MATN1: variants seen among roughly 807,000 people sequenced by gnomAD.
MATN1 encodes matrilin-1.
Under a neutral mutation model 41.3 loss-of-function variants are expected in MATN1, and 34 were observed. That is an observed-to-expected ratio of 0.82 (90% confidence interval 0.63 to 1.10). MATN1 has a LOEUF of 1.10. MATN1 is among the 50% of genes least tolerant of loss of function. The pLI, the probability that MATN1 is intolerant of heterozygous loss-of-function variation, is 0.00. For missense variants in MATN1, 602 were observed against 662.4 expected (o/e 0.91, Z 1.00); for synonymous variants, 264 against 278.7 (o/e 0.95, Z 0.53).
Position 30,713,516 on chromosome 1 carries a change from A to G in MATN1, c.*66T>C. The G allele has an allele frequency of 6.6e-7, 1 of 1,519,956 alleles. No individual in the cohort carries two copies. Among genetic ancestry groups the G allele is most frequent in the Non-Finnish European group, 8.9e-7 (1 of 1,118,286 alleles). 94.2% of individuals were successfully genotyped at this position (1,519,956 alleles called of 1,614,324 possible). On this transcript the variant is annotated 3_prime_UTR_variant, in exon 8 of 8. Transcript: ENST00000373765. ...CACCCCCGGGCTGGCTTCCCTCACT[A>G]AAATGGTAAAGCTACGGCGGACACG...
At chr1:30,717,542 G>A (rs1001180956) in intron 3 of MATN1, among the ~76,000 whole-genome samples, 4 of 151,838 alleles carry the variant, frequency 2.6e-5, no homozygotes, top group African/African-American at 9.7e-5. Context: ...AGAAACATGT[G>A]TAGGTTTTCT....
In MATN1 at chr1:30,714,303, G is replaced by T. The variant is rs1428466637; in HGVS notation, c.1385C>A (p.Ser462Tyr). ...CVEEDPCACE[S>Y]LVKFQAKVEG... ...CACTTTGGCTTGGAATTTCACCAGG[G>T]ACTCGCAGGCACACGGGTCTTCCTC... The change falls in exon 7 of 8, where the codon TCC becomes TAC. Residue 462 changes from serine (S) to tyrosine (Y), a missense_variant. Physicochemically the swap from Ser to Tyr is moderately radical, Grantham distance 144 (BLOSUM62 -2). Transcript: ENST00000373765. The T allele has an allele frequency of 6.2e-6, 10 of 1,611,204 alleles. No individual in the cohort carries two copies. The highest frequency in any genetic ancestry group is 1.3e-5 in the African/African-American group (1 of 74,912).
At chr1:30,718,380 G>A in intron 3 of MATN1, 1 of 223,892 alleles carries the variant, frequency 4.5e-6, no homozygotes, top group Non-Finnish European at 8.5e-6. Flanking sequence ...TCCCGCCCTG[G>A]CACTGACTGT....
At position 30,721,454 on chromosome 1, in the gene MATN1, G is replaced by C. The variant is rs1639693223; in HGVS notation, c.392C>G (p.Ala131Gly). 9 of 1,613,588 alleles carry C rather than the reference G, an allele frequency of 5.6e-6. No individual in the cohort carries two copies. The East Asian group carries it at 1.6e-4, about 28-fold the overall frequency. ...ACGACCACCCTCTGCATCGCCGAAG[G>C]CTTTGGTGATAGCGAACTGGATGGC... ...GLAIQFAITK[A>G]FGDAEGGRSR... is the part of the protein sequence containing the mutation. The change falls in exon 2 of 8, where the codon GCC (alanine) becomes GGC (glycine). Residue 131 changes from alanine (A) to glycine (G), a missense_variant. Ala to Gly is a moderately conservative substitution (Grantham distance 60, BLOSUM62 0). Transcript: ENST00000373765.
At chr1:30,716,736 C>T in intron 4 of MATN1, 54 bp downstream of exon 4, 1 of 1,596,576 alleles carries the variant, frequency 6.3e-7, no homozygotes. Flanking sequence ...GGGGAGGCCC[C>T]ATCACCTCCC....
chr1:30,713,847 C>A (rs777410745), intron 7 of MATN1: 3 of 606,942 alleles, frequency 4.9e-6, no homozygotes, highest in Non-Finnish European at 8.9e-6. Flanking sequence ...CAGATTTAGA[C>A]CTGCTGGGTT....
At chr1:30,721,149 C>T in intron 2 of MATN1, 2 of 509,032 alleles carry the variant, frequency 3.9e-6, no homozygotes, top group South Asian at 4.8e-5. Flanking sequence ...TGGTCGGGAA[C>T]CAAGGTCAAC....
rs1300400428 is a variant in MATN1 at position 30,711,716 on chromosome 1, C to T, written c.*1866G>A. 6.6e-6 allele frequency: 1 copy of T among 152,318 alleles called. No homozygotes were observed. Among genetic ancestry groups the T allele is most frequent in the East Asian group, 1.9e-4 (1 of 5,202 alleles). 9.4% of individuals were successfully genotyped at this position (152,318 alleles called of 1,614,324 possible). A position where few individuals can be genotyped will look rare whatever the true frequency, so the allele number is the denominator to read the frequency against. On this transcript the variant is annotated 3_prime_UTR_variant, in exon 8 of 8. Coordinates refer to ENST00000373765, the MANE Select transcript of MATN1 (RefSeq NM_002379.3). ...CAGGCCATGGCGTCCGCTAATGACC[C>T]TCTCCTCCTCCTTGGGGACACACTG... is the stretch of plus-strand genomic sequence containing the variant.
intron 5 of MATN1, 130 bp from the exon 6 acceptor site, chr1:30,715,439 A>C: frequency 1.3e-6 from 1 of 783,700 alleles, no homozygotes; most frequent in Non-Finnish European, 2.1e-6. Context: ...TTGCAAGCAC[A>C]ATGCCTGGAA....
At position 30,716,014 on chromosome 1, in the gene MATN1, C is replaced by T. The variant is rs181457111; in HGVS notation, c.1102G>A (p.Val368Met). Residue 368 changes from valine to methionine, a missense_variant, in exon 5 of 8, where the codon GTG becomes ATG. Physicochemically the swap from Val to Met is conservative, Grantham distance 21. Transcript: ENST00000373765. ...GCCCCGGGCCTAGCCCCACTGGACA[C>T]AGTGAAGGAATTGTCAATGAGGTAC... The part of the protein sequence containing the change: ...LKYLIDNSFT[V>M]SSGARPGAQK... 261 of 1,614,248 alleles carry T rather than the reference C, an allele frequency of 1.6e-4. No individual in the cohort carries two copies. In the East Asian group the frequency reaches 5.8e-3, roughly 36 times the overall value.
In MATN1 at chr1:30,723,492, G is replaced by A; in HGVS notation, c.60C>T (p.Ala20=). ...GGGGGGCGAGGCCAGGGCTGCACAGGGCCTGGAGCAGCAGCAGCAGGCTGC... is the reference window on the plus strand; with the variant it reads ...GGGGGGCGAGGCCAGGGCTGCACAGAGCCTGGAGCAGCAGCAGCAGGCTGC... ...MLCSLLLLLQ[A]LCSPGLAPQS... Residue 20 remains alanine (A), a synonymous_variant, in exon 1 of 8, where the codon GCC becomes GCT. Transcript: ENST00000373765. 3 of 1,532,596 alleles carry A rather than the reference G, an allele frequency of 2.0e-6. No individual in the cohort carries two copies. The highest frequency in any genetic ancestry group is 2.6e-6 in the Non-Finnish European group (3 of 1,139,100). 94.9% of individuals were successfully genotyped at this position (1,532,596 alleles called of 1,614,324 possible).
rs545632391 is a variant in MATN1 at position 30,713,261 on chromosome 1, A to C, written c.*321T>G. 353 of 339,936 alleles carry C rather than the reference A, an allele frequency of 1.0e-3. 6 individuals carry two copies. In the South Asian group the frequency reaches 0.018, roughly 17 times the overall value. The allele number at this position is 339,936 out of a possible 1,614,324, so 21.1% of individuals were successfully genotyped here. ...AAAGGGTTAACTAAAAAAGATGGGA[A>C]TATATTAAGCTTTTGATTATAAAAA... On this transcript the variant is annotated 3_prime_UTR_variant, in exon 8 of 8. Transcript: ENST00000373765.
Position 30,713,189 on chromosome 1 carries a change from G to A in MATN1, c.*393C>T, listed in dbSNP as rs963625287. 9.4e-6 allele frequency: 2 copies of A among 213,872 alleles called. No individual in the cohort carries two copies. The highest frequency in any genetic ancestry group is 1.9e-5 in the Non-Finnish European group (2 of 103,238). 13.2% of individuals were successfully genotyped at this position (213,872 alleles called of 1,614,324 possible). On this transcript the variant is annotated 3_prime_UTR_variant, in exon 8 of 8. Transcript: ENST00000373765. ...AAATCACATTTAATTGTTTCTCACC[G>A]GAGAATAGAGAAATCAGTAAAGAAA...
Position 30,723,569 on chromosome 1 carries a change from C to A in MATN1, c.-18G>T, listed in dbSNP as rs1300757410. 1 of 1,524,000 alleles carries A rather than the reference C, an allele frequency of 6.6e-7. No homozygotes were observed. The highest frequency in any genetic ancestry group is 1.2e-5 in the South Asian group (1 of 80,976). The allele number at this position is 1,524,000 out of a possible 1,614,324, so 94.4% of individuals were successfully genotyped here. ...ACCCTCATAGTTCTGGCAGCACGGGCAGCAGCCGGCACGGTTGTGGGACCA... is the reference window on the plus strand; with the variant it reads ...ACCCTCATAGTTCTGGCAGCACGGGAAGCAGCCGGCACGGTTGTGGGACCA... On this transcript the variant is annotated 5_prime_UTR_variant, in exon 1 of 8. Coordinates refer to ENST00000373765, the MANE Select transcript of MATN1 (RefSeq NM_002379.3).
Position 30,716,218 on chromosome 1 carries a change from G to T in MATN1, c.898C>A (p.Gln300Lys), listed in dbSNP as rs764973909. The T allele has an allele frequency of 4.5e-5, 72 of 1,614,054 alleles. No individual in the cohort carries two copies. The South Asian group carries it at 7.7e-4, about 17-fold the overall frequency. The change falls in exon 5 of 8, where the codon CAG becomes AAG. Residue 300 changes from glutamine to lysine, a missense_variant. Coordinates refer to ENST00000373765, the MANE Select transcript of MATN1 (RefSeq NM_002379.3). Reference protein sequence around the residue: ...NFELVKKFISQIVDTLDVSDK... With the variant: ...NFELVKKFISKIVDTLDVSDK... Reference sequence around the variant, plus strand: ...GACACGTCCAGCGTATCCACGATCTGACTGATGAACTTCTTCACCAGCTCA... The same window carrying T: ...GACACGTCCAGCGTATCCACGATCTTACTGATGAACTTCTTCACCAGCTCA...
rs1639697140 is a variant in MATN1 at position 30,721,641 on chromosome 1, CGAT to C, written c.202_204del (p.Ile68del). On this transcript the variant is annotated inframe_deletion, in exon 2 of 8. Transcript: ENST00000373765. ...GCATTGGGCCCCACGTCCAGCGACT[CGAT>C]GACCTGGGACAGGAATACCTTCACT... 1 of 1,613,380 alleles carries C rather than the reference CGAT, an allele frequency of 6.2e-7. No individual in the cohort carries two copies. The highest frequency in any genetic ancestry group is 1.3e-5 in the African/African-American group (1 of 74,924).
In MATN1 at chr1:30,711,925, G is replaced by C. The variant is rs1319807664; in HGVS notation, c.*1657C>G. Reference sequence around the variant, plus strand: ...CTCCTGCCCCAGGGACGGACAGAGAGAAAGGGTTTGGTGAACTGTGTAGGA... The same window carrying C: ...CTCCTGCCCCAGGGACGGACAGAGACAAAGGGTTTGGTGAACTGTGTAGGA... On this transcript the variant is annotated 3_prime_UTR_variant, in exon 8 of 8. Transcript: ENST00000373765. 1 of 152,488 alleles carries C rather than the reference G, an allele frequency of 6.6e-6. No individual in the cohort carries two copies. The highest frequency in any genetic ancestry group is 1.5e-5 in the Non-Finnish European group (1 of 68,088). The allele number at this position is 152,488 out of a possible 1,614,324, so 9.4% of individuals were successfully genotyped here.
At position 30,716,834 on chromosome 1, in the gene MATN1, C is replaced by T. The variant is rs1639624698; in HGVS notation, c.746G>A (p.Cys249Tyr). The change falls in exon 4 of 8, where the codon TGC (cysteine) becomes TAC (tyrosine). Residue 249 changes from cysteine to tyrosine, a missense_variant. Cys to Tyr is a radical substitution (Grantham distance 194). Transcript: ENST00000373765. Reference protein sequence around the residue: ...ISSPGSYTCACHEGFTLNSDG... With the variant: ...ISSPGSYTCAYHEGFTLNSDG... ...GCTGTTCAGAGTGAAGCCCTCGTGG[C>T]AGGCGCAGGTGTAGGAACCGGGGGA... 1.2e-6 allele frequency: 2 copies of T among 1,613,994 alleles called. No homozygotes were observed. Among genetic ancestry groups the T allele is most frequent in the East Asian group, 4.5e-5 (2 of 44,882 alleles).
intron 2 of MATN1, chr1:30,720,347 T>A (rs925698506): frequency 1.3e-5 from 2 of 152,070 alleles, no homozygotes; most frequent in African/African-American, 2.4e-5. Context: ...ATCAGCTTCA[T>A]CTACAGCACC....
Sources: allele counts gnomAD v4.1 joint callset (sites outside exome capture counted in the v4.1 genomes callset), GRCh38; gene constraint gnomAD v4.1.1; transcripts MANE v1.5; gene names NCBI Gene and HGNC (gene_info 2026-07-23, HGNC 2026-07-21).